The following DENND4B variants were observed in gnomAD, a reference collection of about 807,000 sequenced individuals.
DENND4B encodes DENN domain-containing protein 4B.
DENND4B carries 67 observed loss-of-function variants against 161.0 expected under a neutral mutation model. The observed-to-expected ratio is 0.42, with a 90% confidence interval of 0.34 to 0.51. The LOEUF (loss-of-function observed/expected upper bound fraction) is 0.51, where lower values mean the gene tolerates loss of function less well. Among genes scored for constraint, DENND4B ranks in the 20% least tolerant of loss-of-function variants. The probability of loss-of-function intolerance (pLI) is 0.08; values close to 1 mark genes in which losing one functional copy is unlikely to be tolerated. For missense variants in DENND4B, 1,481 were observed against 1,968.0 expected (o/e 0.75, Z 4.68); for synonymous variants, 753 against 813.8 (o/e 0.93, Z 1.27).
In DENND4B at chr1:153,944,320, C is replaced by A; in HGVS notation, c.55G>T (p.Ala19Ser). ...TCAGGGATGGGTGCTCCGTTCCCTGCAAGCCCAGCTACCACGAAGTAATCC... is the reference window on the plus strand; with the variant it reads ...TCAGGGATGGGTGCTCCGTTCCCTGAAAGCCCAGCTACCACGAAGTAATCC... ...LVDYFVVAGL[A>S]GNGAPIPEET... The change falls in exon 2 of 28, where the codon GCA becomes TCA. Residue 19 changes from alanine (A) to serine (S), a missense_variant. Physicochemically the swap from Ala to Ser is moderately conservative, Grantham distance 99. Coordinates refer to ENST00000361217, the MANE Select transcript of DENND4B (RefSeq NM_014856.3). This position sits in a 1 kb window ranked among gnomAD's most constrained non-coding sequence, Gnocchi z 4.8. The A allele has an allele frequency of 1.9e-6, 3 of 1,608,456 alleles. No homozygotes were observed. The highest frequency in any genetic ancestry group is 1.1e-5 in the South Asian group (1 of 90,494).
At chr1:153,943,846 T>TA (rs1366104160) in intron 2 of DENND4B, among the ~76,000 whole-genome samples, 1 of 152,150 alleles carries the variant, frequency 6.6e-6, no homozygotes, top group Non-Finnish European at 1.5e-5. Context: ...AAAACCTGCC[T>TA]AAGCTCTCAG....
chr1:153,942,988 C>T lies in DENND4B; in HGVS notation c.460G>A (p.Ala154Thr). ...GTGATGCCCAGGGCATGCAGCCCTG[C>T]CCCCTCTGCTGCCCGCCGGTAAGTG... is the stretch of plus-strand genomic sequence containing the variant. ...YLTYRRAAEGAGLHALGITDL... is the reference protein window; with the variant it reads ...YLTYRRAAEGTGLHALGITDL... Residue 154 changes from alanine (A) to threonine (T), a missense_variant, in exon 3 of 28, where the codon GCA becomes ACA. Transcript: ENST00000361217. This position sits in a 1 kb window ranked among gnomAD's most constrained non-coding sequence, Gnocchi z 6.9. 1 of 1,613,970 alleles carries T rather than the reference C, an allele frequency of 6.2e-7. No homozygotes were observed.
At chr1:153,938,874 A>G (rs773195092) in intron 13 of DENND4B, 26 bp downstream of exon 13, 4 of 1,564,640 alleles carry the variant, frequency 2.6e-6, no homozygotes, top group East Asian at 2.4e-5. Flanking sequence ...GCAGAGGCCA[A>G]TGAGCACATA....
At position 153,940,701 on chromosome 1, in the gene DENND4B, T is replaced by C. The variant is rs1679615831; in HGVS notation, c.1327-95A>G. 1.3e-6 allele frequency: 2 copies of C among 1,500,464 alleles called. No homozygotes were observed. The highest frequency in any genetic ancestry group is 2.8e-5 in the African/African-American group (2 of 71,376). The allele number at this position is 1,500,464 out of a possible 1,614,324, so 92.9% of individuals were successfully genotyped here. On this transcript the variant is annotated intron_variant, in intron 9 of 27. Transcript: ENST00000361217. This position sits in a 1 kb window ranked among gnomAD's most constrained non-coding sequence, Gnocchi z 5.6. ...AAGAGAGGGCATTGGCCTTGGGGAG[T>C]TGGTGCCTGTTGAGAGAGGCTGTTG...
chr1:153,932,787 G>T lies in DENND4B; in HGVS notation c.3624-10C>A, dbSNP rs1679038715. ...TTTGGGGCTGGGGACACTGCAGGGG[G>T]ATAGCAGCAGGGGTCAGCTTTTGGA... On this transcript the variant is annotated splice_polypyrimidine_tract_variant and intron_variant, in intron 22 of 27. Transcript: ENST00000361217. The surrounding 1 kb of genome is among the most constrained non-coding windows in gnomAD (Gnocchi z 5.8). 5.0e-6 allele frequency: 8 copies of T among 1,613,834 alleles called. No homozygotes were observed. The highest frequency in any genetic ancestry group is 5.9e-6 in the Non-Finnish European group (7 of 1,179,764).
chr1:153,943,678 TAAAAAAAAA>T (rs11330733), intron 2 of DENND4B, among the ~76,000 whole-genome samples: 1 of 92,408 alleles, frequency 1.1e-5, no homozygotes, highest in East Asian at 2.9e-4. Flanking sequence ...ACTCTGTCTA[TAAAAAAAAA>T]AAAAAAAAAA....
At chr1:153,941,169 T>C (rs376069720) in intron 8 of DENND4B, 62 bp downstream of exon 8, 1 of 1,600,182 alleles carries the variant, frequency 6.2e-7, no homozygotes, top group South Asian at 1.1e-5. Context: ...TGCACCCACC[T>C]GCCCAGCACC....
In DENND4B at chr1:153,941,913, A is replaced by G. The variant is rs1470541470; in HGVS notation, c.1011T>C (p.Leu337=). The G allele has an allele frequency of 1.2e-6, 2 of 1,612,286 alleles. No homozygotes were observed. The highest frequency in any genetic ancestry group is 1.7e-6 in the Non-Finnish European group (2 of 1,179,874). The change falls in exon 6 of 28, where the codon CTT becomes CTC. Residue 337 remains leucine (L), a synonymous_variant. Transcript: ENST00000361217. The part of the protein sequence containing the change: ...FPAFRAFLTF[L]YRYSVSGPHR... ...GGGGGCCTGAGACGGAGTAGCGGTAAAGGAAGGTGAGGAAGGCGCGGAAGG... is the reference window on the plus strand; with the variant it reads ...GGGGGCCTGAGACGGAGTAGCGGTAGAGGAAGGTGAGGAAGGCGCGGAAGG...
rs780825714 is a variant in DENND4B, at chr1:153,941,991, A to G, written c.933T>C (p.Ala311=). Residue 311 remains alanine, a synonymous_variant, in exon 6 of 28, where the codon GCT becomes GCC. Transcript: ENST00000361217. The part of the protein sequence containing the change: ...VERGRALGGR[A]VRSRRAIAVL... ...CAGCGATGGCACGCCGGCTGCGCACAGCTCTGCCCCCCAGTGCCCGACCCC... is the reference window on the plus strand; with the variant it reads ...CAGCGATGGCACGCCGGCTGCGCACGGCTCTGCCCCCCAGTGCCCGACCCC... The G allele has an allele frequency of 1.9e-6, 3 of 1,612,334 alleles. No individual in the cohort carries two copies. Among genetic ancestry groups the G allele is most frequent in the African/African-American group, 1.3e-5 (1 of 74,892 alleles).
chr1:153,934,292 C>A lies in DENND4B; in HGVS notation c.2784G>T (p.Leu928Phe). The A allele has an allele frequency of 6.3e-7, 1 of 1,587,336 alleles. No homozygotes were observed. The change falls in exon 19 of 28, where the codon TTG (leucine) becomes TTT (phenylalanine). Residue 928 changes from leucine (L) to phenylalanine (F), a missense_variant. By Grantham distance (22) the Leu-to-Phe change is conservative. Coordinates refer to ENST00000361217, the MANE Select transcript of DENND4B (RefSeq NM_014856.3). This position sits in a 1 kb window ranked among gnomAD's most constrained non-coding sequence, Gnocchi z 5.3. The part of the protein sequence containing the change: ...EAGSSQAEPY[L>F]ERPSPTRPLQ... ...GAGGGCGAGTAGGGGAAGGGCGCTC[C>A]AAATAGGGCTCTGTAAAAGACGAGA...
chr1:153,931,534 G>A (rs1188541516), intron 24 of DENND4B, among the ~76,000 whole-genome samples: 3 of 137,270 alleles, frequency 2.2e-5, no homozygotes, highest in Non-Finnish European at 4.6e-5. Context: ...GTCTCGCTCT[G>A]TCGTCCAGGC....
chr1:153,933,847 T>C lies in DENND4B; in HGVS notation c.2966A>G (p.Glu989Gly). 2 of 1,613,188 alleles carry C rather than the reference T, an allele frequency of 1.2e-6. No individual in the cohort carries two copies. The highest frequency in any genetic ancestry group is 2.2e-5 in the East Asian group (1 of 44,860). ...AHMIEALGVLEPRGSPVPWHD... is the reference protein window; with the variant it reads ...AHMIEALGVLGPRGSPVPWHD... ...CCAGGGCACAGGTGATCCCCGGGGT[T>C]CCAGGACCCCCAAGGCCTCTATCAC... The change falls in exon 20 of 28, where the codon GAA (glutamate) becomes GGA (glycine). Residue 989 changes from glutamate to glycine, a missense_variant. Coordinates refer to ENST00000361217, the MANE Select transcript of DENND4B (RefSeq NM_014856.3). The surrounding 1 kb of genome is among the most constrained non-coding windows in gnomAD (Gnocchi z 5.7).
Position 153,936,428 on chromosome 1 carries a change from T to C in DENND4B, c.2439+114A>G, listed in dbSNP as rs928208982. 4.0e-6 allele frequency: 5 copies of C among 1,259,058 alleles called. No individual in the cohort carries two copies. Among genetic ancestry groups the C allele is most frequent in the Admixed American group, 5.2e-5 (2 of 38,308 alleles). 78.0% of individuals were successfully genotyped at this position (1,259,058 alleles called of 1,614,324 possible). On this transcript the variant is annotated intron_variant, in intron 16 of 27. Coordinates refer to ENST00000361217, the MANE Select transcript of DENND4B (RefSeq NM_014856.3). The surrounding 1 kb of genome is among the most constrained non-coding windows in gnomAD (Gnocchi z 4.1). ...TGTTTATAGATAATCTGCCCAGCTC[T>C]GGGGCTCTGCAACTTCTTTCCTTAG...
rs1235798969 is a variant in DENND4B at position 153,942,360 on chromosome 1, C to T, written c.641-4G>A. 3 of 1,608,944 alleles carry T rather than the reference C, an allele frequency of 1.9e-6. No individual in the cohort carries two copies. The highest frequency in any genetic ancestry group is 1.7e-5 in the Admixed American group (1 of 59,636). On this transcript the variant is annotated splice_polypyrimidine_tract_variant and splice_region_variant and intron_variant, in intron 4 of 27. Transcript: ENST00000361217. This position sits in a 1 kb window ranked among gnomAD's most constrained non-coding sequence, Gnocchi z 6.9. Reference sequence around the variant, plus strand: ...TCCGGGTAGCGGCCCAGCAGCTCTGCACCCCCAGCATAGTTGGGGGTACCC... The same window carrying T: ...TCCGGGTAGCGGCCCAGCAGCTCTGTACCCCCAGCATAGTTGGGGGTACCC...
At position 153,944,094 on chromosome 1, in the gene DENND4B, C is replaced by A; in HGVS notation, c.281G>T (p.Arg94Leu). Residue 94 changes from arginine (R) to leucine (L), a missense_variant, in exon 2 of 28, where the codon CGC becomes CTC. By Grantham distance (102) the Arg-to-Leu change is moderately radical (BLOSUM62 -2). Transcript: ENST00000361217. This position sits in a 1 kb window ranked among gnomAD's most constrained non-coding sequence, Gnocchi z 4.8. ...GAGGGGGGGCTTGTCACGGCCCCTG[C>A]GGTAGCAGATGACGGGTTGAGTTCC... ...LGGTQPVICYRRGRDKPPLVE... is the reference protein window; with the variant it reads ...LGGTQPVICYLRGRDKPPLVE... The A allele has an allele frequency of 2.5e-6, 4 of 1,596,624 alleles. No homozygotes were observed. Among genetic ancestry groups the A allele is most frequent in the Non-Finnish European group, 3.4e-6 (4 of 1,170,302 alleles).
rs749523012 is a variant in DENND4B, at chr1:153,941,225, A to C, written c.1181+6T>G. The C allele has an allele frequency of 3.7e-6, 6 of 1,613,744 alleles. No homozygotes were observed. In the East Asian group the frequency reaches 1.3e-4, roughly 36 times the overall value. On this transcript the variant is annotated splice_donor_region_variant and intron_variant, in intron 8 of 27. Coordinates refer to ENST00000361217, the MANE Select transcript of DENND4B (RefSeq NM_014856.3). ...AAGCTCCCCTCCCCACAATCTGATC[A>C]CATACCTGAGGGGCAGGGGTGAGGA...
Position 153,940,842 on chromosome 1 carries a change from G to C in DENND4B, c.1326+62C>G. On this transcript the variant is annotated intron_variant, in intron 9 of 27. Coordinates refer to ENST00000361217, the MANE Select transcript of DENND4B (RefSeq NM_014856.3). This position sits in a 1 kb window ranked among gnomAD's most constrained non-coding sequence, Gnocchi z 5.6. Reference sequence around the variant, plus strand: ...AGGAAAAGGGAAGAGTCCAGGCAGGGATAGGGGCACCAGAAAGAACCATGG... The same window carrying C: ...AGGAAAAGGGAAGAGTCCAGGCAGGCATAGGGGCACCAGAAAGAACCATGG... The C allele has an allele frequency of 5.9e-6, 9 of 1,523,294 alleles. No individual in the cohort carries two copies. Among genetic ancestry groups the C allele is most frequent in the Non-Finnish European group, 7.9e-6 (9 of 1,139,358 alleles). The allele number at this position is 1,523,294 out of a possible 1,614,324, so 94.4% of individuals were successfully genotyped here.
In DENND4B at chr1:153,930,237, C is replaced by G; in HGVS notation, c.*60G>C. 1.3e-6 allele frequency: 2 copies of G among 1,562,920 alleles called. No individual in the cohort carries two copies. Among genetic ancestry groups the G allele is most frequent in the African/African-American group, 1.4e-5 (1 of 73,920 alleles). On this transcript the variant is annotated 3_prime_UTR_variant, in exon 28 of 28. Transcript: ENST00000361217. The surrounding 1 kb of genome is among the most constrained non-coding windows in gnomAD (Gnocchi z 4.7). Reference sequence around the variant, plus strand: ...TGAAGGCAACAGGGAAGCAGTTTAACTCTAGAATCCCTTCTTCCTCACTTC... The same window carrying G: ...TGAAGGCAACAGGGAAGCAGTTTAAGTCTAGAATCCCTTCTTCCTCACTTC...
In DENND4B at chr1:153,932,076, G is replaced by C. The variant is rs1678986412; in HGVS notation, c.3996+128C>G. On this transcript the variant is annotated intron_variant, in intron 24 of 27. Coordinates refer to ENST00000361217, the MANE Select transcript of DENND4B (RefSeq NM_014856.3). This position sits in a 1 kb window ranked among gnomAD's most constrained non-coding sequence, Gnocchi z 5.8. ...CCCACCTCGGCCTCCCAAAGTGCTG[G>C]GATTACAGGCATGAGCCACCGTGCC... 1.1e-6 allele frequency: 1 copy of C among 877,784 alleles called. No individual in the cohort carries two copies. Among genetic ancestry groups the C allele is most frequent in the Admixed American group, 2.7e-5 (1 of 37,650 alleles). 54.4% of individuals were successfully genotyped at this position (877,784 alleles called of 1,614,324 possible).
Sources: gnomAD v4.1 joint callset for allele counts (sites outside exome capture counted in the v4.1 genomes callset) on GRCh38, gnomAD v4.1.1 for gene constraint, Gnocchi (gnomAD v3.1) non-coding constraint, MANE v1.5 for transcripts, NCBI Gene and HGNC (gene_info 2026-07-23, HGNC 2026-07-21) for gene names.